Variants in PTPRD observed in about 807,000 individuals in gnomAD.
The protein encoded by PTPRD is receptor-type tyrosine-protein phosphatase delta.
Under a neutral mutation model 214.5 loss-of-function variants are expected in PTPRD, and 34 were observed. That is an observed-to-expected ratio of 0.16 (90% confidence interval 0.12 to 0.21). PTPRD has a LOEUF of 0.21. Ranked by LOEUF, PTPRD falls within the 10% of genes least tolerant of loss-of-function variation. PTPRD has a pLI of 1.00. For synonymous variants in PTPRD, 1,128 were observed against 845.7 expected, an observed-to-expected ratio of 1.33 and a Z score of -5.79; for missense variants, 2,545 against 2,398.7, an observed-to-expected ratio of 1.06 and a Z score of -1.27.
chr9:10,303,926 A>G (rs2095959283), intron 3 of PTPRD, among the ~76,000 whole-genome samples: 1 of 152,168 alleles, frequency 6.6e-6, no homozygotes, highest in Admixed American at 6.5e-5. Context: ...GGCCAGCATC[A>G]TCCTGATGCT....
chr9:9,382,723 C>G (rs1161177260), intron 9 of PTPRD, among the ~76,000 whole-genome samples: 6 of 151,970 alleles, frequency 3.9e-5, no homozygotes, highest in Non-Finnish European at 8.8e-5. Flanking sequence ...AACAGTACAG[C>G]TATTATGAAA....
chr9:9,973,463 C>A (rs111604072), intron 4 of PTPRD, among the ~76,000 whole-genome samples: 2 of 151,730 alleles, frequency 1.3e-5, no homozygotes, highest in South Asian at 4.2e-4. Context: ...CAGAGTGAGA[C>A]CTTGTCTCAA....
chr9:9,611,310 T>C (rs2094499213), intron 7 of PTPRD, among the ~76,000 whole-genome samples: 1 of 152,186 alleles, frequency 6.6e-6, no homozygotes, highest in Non-Finnish European at 1.5e-5. Context: ...ATGTTTTTGC[T>C]ATATGCCATA....
intron 8 of PTPRD, among the ~76,000 whole-genome samples, chr9:9,492,257 A>G (rs550096443): frequency 9.2e-5 from 14 of 151,778 alleles, no homozygotes; most frequent in Admixed American, 2.0e-4. Context: ...ATAAAAAAAA[A>G]ACCTGACATA....
chr9:9,645,799 ATAATT>A (rs1418273785), intron 7 of PTPRD, among the ~76,000 whole-genome samples: 20 of 152,108 alleles, frequency 1.3e-4, no homozygotes, highest in African/African-American at 3.4e-4. Flanking sequence ...TTTCTCCTGA[ATAATT>A]TAAAGATATT....
At chr9:8,526,088 G>A (rs1378049184) in intron 17 of PTPRD, among the ~76,000 whole-genome samples, 1 of 152,042 alleles carries the variant, frequency 6.6e-6, no homozygotes, top group Non-Finnish European at 1.5e-5. Flanking sequence ...AAAAAGAATT[G>A]AAGAACAAAA....
intron 39 of PTPRD, among the ~76,000 whole-genome samples, chr9:8,371,432 A>C (rs1275181159): frequency 1.3e-5 from 2 of 152,046 alleles, no homozygotes; most frequent in African/African-American, 4.8e-5. Context: ...ATCTCAAGGT[A>C]CGTATGATCT....
intron 3 of PTPRD, among the ~76,000 whole-genome samples, chr9:10,204,979 T>G (rs2099461305): frequency 6.6e-6 from 1 of 152,164 alleles, no homozygotes; most frequent in South Asian, 2.1e-4. Flanking sequence ...AAGGAACATT[T>G]GAGTACAAAT....
intron 11 of PTPRD, among the ~76,000 whole-genome samples, chr9:8,968,481 T>A (rs2099214224): frequency 1.3e-5 from 2 of 152,006 alleles, no homozygotes; most frequent in South Asian, 4.2e-4. Context: ...ATTGTGGTTT[T>A]GATTTGCATT....
chr9:10,567,950 T>C (rs1283571319), intron 2 of PTPRD, among the ~76,000 whole-genome samples: 1 of 151,490 alleles, frequency 6.6e-6, no homozygotes, highest in Non-Finnish European at 1.5e-5. Flanking sequence ...TTATTTTATT[T>C]ATTTGTTATT....
intron 11 of PTPRD, among the ~76,000 whole-genome samples, chr9:8,880,766 T>C (rs2098439169): frequency 1.3e-5 from 2 of 152,136 alleles, no homozygotes; most frequent in Non-Finnish European, 1.5e-5. Context: ...CATTTGCCTA[T>C]AATATTATCT....
chr9:8,927,533 T>C (rs2098909708), intron 11 of PTPRD, among the ~76,000 whole-genome samples: 1 of 152,190 alleles, frequency 6.6e-6, no homozygotes, highest in South Asian at 2.1e-4. Flanking sequence ...GCAAAGAACA[T>C]GAGCTCATCC....
chr9:9,717,412 A>T (rs1056394935), intron 7 of PTPRD, among the ~76,000 whole-genome samples: 5 of 152,090 alleles, frequency 3.3e-5, no homozygotes, highest in African/African-American at 1.2e-4. Flanking sequence ...CTTGATGGGG[A>T]TGGTATTGAA....
chr9:10,007,021 T>G (rs1215634246), intron 4 of PTPRD, among the ~76,000 whole-genome samples: 1 of 151,970 alleles, frequency 6.6e-6, no homozygotes, highest in East Asian at 1.9e-4. Flanking sequence ...ATACCAACTC[T>G]CTTGATGATA....
chr9:9,071,575 C>T (rs2099743814), intron 10 of PTPRD, among the ~76,000 whole-genome samples: 1 of 152,116 alleles, frequency 6.6e-6, no homozygotes, highest in African/African-American at 2.4e-5. Context: ...CTGAGGTCAG[C>T]CTCTAGCCTC....
intron 11 of PTPRD, among the ~76,000 whole-genome samples, chr9:8,792,423 C>A (rs1308475424): frequency 6.6e-6 from 1 of 152,180 alleles, no homozygotes; most frequent in East Asian, 1.9e-4. Flanking sequence ...TATGGAAATA[C>A]TAACGGCTAC....
In PTPRD at chr9:8,948,465, TTACATATATATATATTTATA is replaced by T. The variant is rs1567182443; in HGVS notation, c.-104+70212_-104+70231del. On this transcript the variant is annotated intron_variant, in intron 11 of 45. Transcript: ENST00000381196. Reference sequence around the variant, plus strand: ...CATATATATATATTTATATATATATTTACATATATATATATTTATATATATATTTATATATATATTTATAT... The same window carrying T: ...CATATATATATATTTATATATATATTTATATATTTATATATATATTTATAT... Among the ~76,000 whole-genome samples, 50 of 6,718 alleles carry T rather than the reference TTACATATATATATATTTATA, an allele frequency of 7.4e-3. 3 individuals are homozygous for T. Among genetic ancestry groups the T allele is most frequent in the African/African-American group, 9.5e-3 (27 of 2,834 alleles). The allele number at this position is 6,718 out of a possible 152,430, so 4.4% of individuals were successfully genotyped here.
chr9:9,158,555 G>A (rs866815600), intron 10 of PTPRD, among the ~76,000 whole-genome samples: 8 of 152,182 alleles, frequency 5.3e-5, no homozygotes, highest in Middle Eastern at 6.8e-3. Context: ...AGCCGAGATC[G>A]TGGCACTGCA....
intron 4 of PTPRD, among the ~76,000 whole-genome samples, chr9:10,031,296 T>C (rs768184306): frequency 4.3e-4 from 66 of 152,064 alleles, no homozygotes; most frequent in Non-Finnish European, 8.4e-4. Flanking sequence ...GATGCAAGTA[T>C]TGATCCTGGG....
Sources: allele counts gnomAD v4.1 joint callset (sites outside exome capture counted in the v4.1 genomes callset), GRCh38; gene constraint gnomAD v4.1.1; transcripts MANE v1.5; gene names NCBI Gene and HGNC (gene_info 2026-07-23, HGNC 2026-07-21).